The following ZNF138 variants were observed in gnomAD, a reference collection of about 807,000 sequenced individuals.
The protein encoded by ZNF138 is zinc finger protein 138.
Under a neutral mutation model 33.0 loss-of-function variants are expected in ZNF138, and 33 were observed. The observed-to-expected ratio is 1.00, with a 90% CI of 0.76 to 1.34. The LOEUF (loss-of-function observed/expected upper bound fraction) is 1.34, where lower values mean the gene tolerates loss of function less well. Among genes scored for constraint, ZNF138 ranks in the 40% most tolerant of loss-of-function variants. The pLI, the probability that ZNF138 is intolerant of heterozygous loss-of-function variation, is 0.00. For missense variants in ZNF138, 360 were observed against 370.8 expected (o/e 0.97, Z 0.24); for synonymous variants, 139 against 120.4 (o/e 1.15, Z -1.01).
At chr7:64,852,487 G>A in the ZNF138 span, 1 of 1,581,660 alleles carries the variant, frequency 6.3e-7, no homozygotes, top group African/African-American at 1.3e-5. Flanking sequence ...TTCTGGCTGT[G>A]TGGTTGCCCT....
chr7:64,806,150 A>G (rs1437228925), intron 1 of ZNF138, among the ~76,000 whole-genome samples: 1 of 152,216 alleles, frequency 6.6e-6, no homozygotes, highest in African/African-American at 2.4e-5. Context: ...GGTGCCAACC[A>G]AGCTTTAATC....
chr7:64,839,214 T>C, the ZNF138 span, among the ~76,000 whole-genome samples: 1 of 152,252 alleles, frequency 6.6e-6, no homozygotes, highest in Non-Finnish European at 1.5e-5. Flanking sequence ...TAAGGTATAT[T>C]GCGGCCAGGC....
At chr7:64,802,628 G>C (rs1201230060) in intron 1 of ZNF138, among the ~76,000 whole-genome samples, 1 of 134,812 alleles carries the variant, frequency 7.4e-6, no homozygotes, top group African/African-American at 2.5e-5. Flanking sequence ...TTTATGGTTT[G>C]TAGGGCATGA....
At chr7:64,852,816 G>A in the ZNF138 span, 20 of 843,278 alleles carry the variant, frequency 2.4e-5, no homozygotes, top group East Asian at 4.8e-4. Flanking sequence ...AATTCACTGG[G>A]CTGACAGACA....
the ZNF138 span, among the ~76,000 whole-genome samples, chr7:64,845,380 A>G: frequency 6.6e-6 from 1 of 152,260 alleles, no homozygotes; most frequent in East Asian, 1.9e-4. Flanking sequence ...TCATTCTGCT[A>G]TAAACATACA....
At chr7:64,831,134 T>G in intron 3 of ZNF138, 1 of 1,543,266 alleles carries the variant, frequency 6.5e-7, no homozygotes. Context: ...GGCAGTTTAC[T>G]TCTAGAGGCA....
In ZNF138 at chr7:64,831,596, G is replaced by C. The variant is rs201264316; in HGVS notation, c.354G>C (p.Lys118Asn). 706 of 1,612,792 alleles carry C rather than the reference G, an allele frequency of 4.4e-4. 1 individual carries two copies. Among genetic ancestry groups the C allele is most frequent in the Non-Finnish European group, 5.7e-4 (672 of 1,179,708 alleles). Reference sequence around the variant, plus strand: ...GCTGTAAAAGTGTGGATGAGTGTAAGGGACACCAAGGAGGTTTTAATGGAC... The same window carrying C: ...GCTGTAAAAGTGTGGATGAGTGTAACGGACACCAAGGAGGTTTTAATGGAC... ...RKGCKSVDEC[K>N]GHQGGFNGLN... The change falls in exon 4 of 4, where the codon AAG becomes AAC. Residue 118 changes from lysine to asparagine, a missense_variant. Transcript: ENST00000307355.
At chr7:64,831,204 C>G (rs1022776066) in intron 3 of ZNF138, 4 of 1,312,042 alleles carry the variant, frequency 3.0e-6, no homozygotes, top group Non-Finnish European at 4.2e-6. Flanking sequence ...ACTTTTCTCT[C>G]TCTTCTGTGT....
At chr7:64,848,809 A>G in the ZNF138 span, among the ~76,000 whole-genome samples, 1 of 146,652 alleles carries the variant, frequency 6.8e-6, no homozygotes, top group Non-Finnish European at 1.5e-5. Context: ...GGTTCACGCC[A>G]TTCTCCTGCC....
At chr7:64,822,123 G>C (rs1038273333) in intron 3 of ZNF138, among the ~76,000 whole-genome samples, 1 of 150,946 alleles carries the variant, frequency 6.6e-6, no homozygotes, top group East Asian at 1.9e-4. Flanking sequence ...GTTTCACCGT[G>C]TTAGCCAAGA....
At chr7:64,854,229 A>G in the ZNF138 span, among the ~76,000 whole-genome samples, 1 of 152,192 alleles carries the variant, frequency 6.6e-6, no homozygotes, top group Non-Finnish European at 1.5e-5. Flanking sequence ...TTAAACACAC[A>G]CACACATACA....
Position 64,832,582 on chromosome 7 carries a change from A to G in ZNF138, c.*380A>G, listed in dbSNP as rs1025964913. On this transcript the variant is annotated 3_prime_UTR_variant, in exon 4 of 4. Coordinates refer to ENST00000307355, the MANE Select transcript of ZNF138 (RefSeq NM_001271639.2). ...ATAATTCACAGTGGAGAAAAACCCT[A>G]CAAATGTGAAGAATGTGGCAAAGCT... The G allele has an allele frequency of 5.4e-6, 3 of 554,254 alleles. No homozygotes were observed. Among genetic ancestry groups the G allele is most frequent in the African/African-American group, 3.8e-5 (2 of 52,002 alleles). The allele number at this position is 554,254 out of a possible 1,614,324, so 34.3% of individuals were successfully genotyped here.
In ZNF138 at chr7:64,832,348, G is replaced by A. The variant is rs748979560; in HGVS notation, c.*146G>A. On this transcript the variant is annotated 3_prime_UTR_variant, in exon 4 of 4. Transcript: ENST00000307355. The stretch of plus-strand genomic sequence containing the variant: ...AAACCCCACAAATGTGAAGAATGTG[G>A]CAGAGCTTTTAACCAGTCCGCAAAG... 7 of 1,565,798 alleles carry A rather than the reference G, an allele frequency of 4.5e-6. No homozygotes were observed. Among genetic ancestry groups the A allele is most frequent in the Middle Eastern group, 1.7e-4 (1 of 5,832 alleles).
chr7:64,835,380 A>C (rs913890891), downstream of ZNF138: 1 of 152,138 alleles, frequency 6.6e-6, no homozygotes, highest in Non-Finnish European at 1.5e-5. Flanking sequence ...GTTGAAAGTG[A>C]CCCTGGTGAT....
At chr7:64,813,235 T>G (rs1788325083) in intron 1 of ZNF138, among the ~76,000 whole-genome samples, 1 of 152,154 alleles carries the variant, frequency 6.6e-6, no homozygotes, top group South Asian at 2.1e-4. Context: ...TGAAGTTTCA[T>G]CTGTGTTCTC....
chr7:64,830,866 T>C (rs7787287), intron 3 of ZNF138: 859,300 of 1,436,598 alleles, frequency 0.6, 259,446 homozygotes, highest in African/African-American at 0.78. Flanking sequence ...TTTTTTAGGG[T>C]TTTTTTAGTT....
chr7:64,832,277 C>A lies in ZNF138; in HGVS notation c.*75C>A. ...GTGAAGAATGTGGCAAAGCCTTTAA[C>A]CAGTTTTCAACCCTTATTACACATA... On this transcript the variant is annotated 3_prime_UTR_variant, in exon 4 of 4. Coordinates refer to ENST00000307355, the MANE Select transcript of ZNF138 (RefSeq NM_001271639.2). 1 of 1,597,772 alleles carries A rather than the reference C, an allele frequency of 6.3e-7. No individual in the cohort carries two copies. The highest frequency in any genetic ancestry group is 8.5e-7 in the Non-Finnish European group (1 of 1,174,588).
chr7:64,796,648 A>G (rs1786708781), intron 1 of ZNF138, among the ~76,000 whole-genome samples: 2 of 152,122 alleles, frequency 1.3e-5, no homozygotes, highest in Non-Finnish European at 2.9e-5. Flanking sequence ...CTGTTTTTTT[A>G]TGGCTGGGTG....
At chr7:64,845,097 C>T in the ZNF138 span, among the ~76,000 whole-genome samples, 2 of 152,226 alleles carry the variant, frequency 1.3e-5, no homozygotes, top group African/African-American at 4.8e-5. Context: ...CAACACTCCT[C>T]TCTGAGTCTC....
Sources: gnomAD v4.1 joint callset for allele counts (sites outside exome capture counted in the v4.1 genomes callset) on GRCh38, gnomAD v4.1.1 for gene constraint, MANE v1.5 for transcripts, NCBI Gene and HGNC (gene_info 2026-07-23, HGNC 2026-07-21) for gene names.